The following ZNF280D variants were observed in gnomAD, a reference collection of about 807,000 sequenced individuals.
ZNF280D encodes the protein suppressor of hairy wing homolog 4.
A neutral mutation model predicts 94.7 loss-of-function variants in ZNF280D; 39 were observed. That is an observed-to-expected ratio of 0.41 (90% CI 0.32 to 0.54). ZNF280D has a LOEUF of 0.54. ZNF280D is among the 20% of genes least tolerant of loss of function. ZNF280D has a pLI of 0.22. For synonymous variants in ZNF280D, 398 were observed against 377.6 expected, an observed-to-expected ratio of 1.05 and a Z score of -0.63; for missense variants, 1,090 against 1,149.3, an observed-to-expected ratio of 0.95 and a Z score of 0.75.
intron 7 of ZNF280D, 86 bp from the exon 8 acceptor site, chr15:56,689,556 A>C (rs1296816210): frequency 1.2e-6 from 1 of 848,186 alleles, no homozygotes; most frequent in African/African-American, 1.7e-5. Context: ...GAGCTAAATT[A>C]AAGGTAATAT....
In ZNF280D at chr15:56,635,205, T is replaced by A; in HGVS notation, c.2305A>T (p.Asn769Tyr). Residue 769 changes from asparagine to tyrosine, a missense_variant, in exon 21 of 22, where the codon AAT becomes TAT. Transcript: ENST00000267807. ...NMAERETETS[N>Y]SESKQDKAAS... ...TTTCCTTATATTTACCTTTCAGAAT[T>A]TGATGTTTCTGTTTCTCTTTCAGCC... 1.9e-6 allele frequency: 3 copies of A among 1,554,226 alleles called. No homozygotes were observed. In the East Asian group the frequency reaches 7.2e-5, roughly 37 times the overall value.
intron 10 of ZNF280D, among the ~76,000 whole-genome samples, chr15:56,682,022 A>G (rs11633363): frequency 0.54 from 82,143 of 151,748 alleles, 22,837 homozygotes; most frequent in East Asian, 0.62. Flanking sequence ...AGTTAAAATA[A>G]ACAGTCTTTT....
At chr15:56,728,892 T>C (rs1181721473) in intron 1 of ZNF280D, among the ~76,000 whole-genome samples, 2 of 152,194 alleles carry the variant, frequency 1.3e-5, no homozygotes, top group East Asian at 1.9e-4. Flanking sequence ...TGTAGACTAA[T>C]ATAAATGTTC....
At chr15:56,703,924 A>G (rs1476006058) in intron 4 of ZNF280D, among the ~76,000 whole-genome samples, 197 bp downstream of exon 4, 2 of 152,132 alleles carry the variant, frequency 1.3e-5, no homozygotes, top group Non-Finnish European at 1.5e-5. Flanking sequence ...GAAGACCTCC[A>G]GGGTCACCAG....
intron 1 of ZNF280D, among the ~76,000 whole-genome samples, chr15:56,722,213 G>A (rs1351985119): frequency 1.3e-5 from 2 of 152,130 alleles, no homozygotes; most frequent in African/African-American, 4.8e-5. Flanking sequence ...TAACATTAAA[G>A]ATCACTGATC....
chr15:56,636,485 A>ATTTTT, intron 20 of ZNF280D, among the ~76,000 whole-genome samples: 1 of 130,210 alleles, frequency 7.7e-6, no homozygotes, highest in Admixed American at 7.9e-5. Context: ...CTTCCTTCCT[A>ATTTTT]TTTTTTTTTT....
At chr15:56,711,388 G>C (rs527483487) in intron 1 of ZNF280D, among the ~76,000 whole-genome samples, 6 of 152,272 alleles carry the variant, frequency 3.9e-5, no homozygotes, top group African/African-American at 1.4e-4. Context: ...CTCGAGGCCA[G>C]GCATGGTGGC....
At chr15:56,637,371 GA>G (rs2052404151) in intron 20 of ZNF280D, among the ~76,000 whole-genome samples, 1 of 150,390 alleles carries the variant, frequency 6.6e-6, no homozygotes, top group Non-Finnish European at 1.5e-5. Context: ...TTGTAGAGAC[GA>G]AGTCTCCAGT....
chr15:56,690,390 T>TA (rs1404657839), intron 7 of ZNF280D, among the ~76,000 whole-genome samples: 3 of 151,658 alleles, frequency 2.0e-5, no homozygotes, highest in Non-Finnish European at 2.9e-5. Flanking sequence ...TCAAAAAAAA[T>TA]AAAAAAACAA....
Position 56,631,893 on chromosome 15 carries a change from T to C in ZNF280D, c.2545A>G (p.Met849Val). The change falls in exon 22 of 22, where the codon ATG becomes GTG. Residue 849 changes from methionine (M) to valine (V), a missense_variant. Met to Val is a conservative substitution (Grantham distance 21). Around this residue, in one of 3 missense-constraint regions of ZNF280D, gnomAD observed 577 missense variants for 568.8 expected, o/e 1.01. Transcript: ENST00000267807. ...GAACTTTGGCACATCTTCAACTCCA[T>C]TTCCTGACAAACGTGTTGTATTTGT... ...KKQIQHVCQE[M>V]ELKMCQSSEN... The C allele has an allele frequency of 6.2e-7, 1 of 1,613,780 alleles. No individual in the cohort carries two copies. Among genetic ancestry groups the C allele is most frequent in the Non-Finnish European group, 8.5e-7 (1 of 1,180,008 alleles).
intron 6 of ZNF280D, among the ~76,000 whole-genome samples, chr15:56,697,438 G>A (rs2056821220): frequency 6.6e-6 from 1 of 152,182 alleles, no homozygotes; most frequent in Admixed American, 6.5e-5. Context: ...ACTCGCCTCG[G>A]CCTCCCAAAG....
chr15:56,701,252 T>A lies in ZNF280D; in HGVS notation c.176-14A>T, dbSNP rs2057049024. The A allele has an allele frequency of 2.8e-6, 4 of 1,443,364 alleles. No individual in the cohort carries two copies. Among genetic ancestry groups the A allele is most frequent in the Non-Finnish European group, 3.8e-6 (4 of 1,061,684 alleles). The allele number at this position is 1,443,364 out of a possible 1,614,324, so 89.4% of individuals were successfully genotyped here. A position where few individuals can be genotyped will look rare whatever the true frequency, so the allele number is the denominator to read the frequency against. ...TGTTCAAAATATCTATAAAAGATTA[T>A]ATTTATTTTAAAATACATTGTTTGA... On this transcript the variant is annotated splice_polypyrimidine_tract_variant and intron_variant, in intron 4 of 21. Transcript: ENST00000267807.
intron 1 of ZNF280D, among the ~76,000 whole-genome samples, chr15:56,723,036 C>T (rs1451559518): frequency 7.4e-6 from 1 of 136,036 alleles, no homozygotes; most frequent in African/African-American, 2.8e-5. Context: ...AATGAGATCA[C>T]ATGGACACAG....
intron 4 of ZNF280D, among the ~76,000 whole-genome samples, chr15:56,701,586 A>G (rs960068245): frequency 6.6e-6 from 1 of 152,116 alleles, no homozygotes; most frequent in African/African-American, 2.4e-5. Context: ...AAACATATTT[A>G]TATATAACCT....
rs1027971787 is a variant in ZNF280D at position 56,708,162 on chromosome 15, A to G, written c.-85-856T>C. ...TCCTCTTTATCCTTAGGCTGACAAAAGCAAGCTTTCCTACTTTTCAATTTC... is the reference window on the plus strand; with the variant it reads ...TCCTCTTTATCCTTAGGCTGACAAAGGCAAGCTTTCCTACTTTTCAATTTC... On this transcript the variant is annotated intron_variant, in intron 1 of 21. Coordinates refer to ENST00000267807, the MANE Select transcript of ZNF280D (RefSeq NM_017661.4). 2.6e-5 allele frequency among the ~76,000 whole-genome samples: 4 copies of G among 152,302 alleles called. No individual in the cohort carries two copies. The South Asian group carries it at 8.3e-4, about 32-fold the overall frequency.
intron 1 of ZNF280D, among the ~76,000 whole-genome samples, chr15:56,722,757 T>C (rs1489771161): frequency 2.0e-5 from 3 of 152,056 alleles, no homozygotes; most frequent in African/African-American, 7.2e-5. Flanking sequence ...TAAATCATGC[T>C]GCTATAAAGA....
intron 1 of ZNF280D, among the ~76,000 whole-genome samples, chr15:56,717,289 G>A (rs1056951471): frequency 3.3e-5 from 5 of 152,134 alleles, no homozygotes; most frequent in Non-Finnish European, 1.5e-5. Flanking sequence ...AAGGAATTCA[G>A]AACTAGAGCT....
At chr15:56,700,220 C>A (rs766797219) in intron 6 of ZNF280D, 10 of 954,832 alleles carry the variant, frequency 1.0e-5, no homozygotes, top group Non-Finnish European at 1.2e-5. Flanking sequence ...TGTGCATATA[C>A]ATATAAACTA....
intron 6 of ZNF280D, among the ~76,000 whole-genome samples, chr15:56,695,132 G>A (rs2056670068): frequency 6.6e-6 from 1 of 152,084 alleles, no homozygotes; most frequent in African/African-American, 2.4e-5. Flanking sequence ...GAGTGTGATG[G>A]CCTGATCTCC....
Sources: allele counts gnomAD v4.1 joint callset (sites outside exome capture counted in the v4.1 genomes callset), GRCh38; gene constraint gnomAD v4.1.1; regional missense constraint gnomAD v4.1.1; transcripts MANE v1.5; gene names NCBI Gene and HGNC (gene_info 2026-07-23, HGNC 2026-07-21).